Variants in LRP12 observed in about 807,000 individuals in gnomAD.
LRP12 encodes LDL receptor related protein 12.
A neutral mutation model predicts 66.0 loss-of-function variants in LRP12; 14 were observed. That is an observed-to-expected ratio of 0.21 (90% CI 0.14 to 0.33). LRP12 has a LOEUF of 0.33. LRP12 is among the 10% of genes least tolerant of loss of function. LRP12 has a pLI of 1.00. For synonymous variants in LRP12, 357 were observed against 359.1 expected, an observed-to-expected ratio of 0.99 and a Z score of 0.07; for missense variants, 889 against 1,053.4, an observed-to-expected ratio of 0.84 and a Z score of 2.16.
At chr8:104,506,692 A>G (rs988377100) in intron 3 of LRP12, 32 of 152,264 alleles carry the variant, frequency 2.1e-4, no homozygotes, top group African/African-American at 7.7e-4. Context: ...GCCCGTCCCT[A>G]GTCCTTGGCT....
intron 1 of LRP12, among the ~76,000 whole-genome samples, chr8:104,536,399 T>C (rs1272751852): frequency 6.6e-6 from 1 of 152,030 alleles, no homozygotes. Flanking sequence ...TTGTTTTATC[T>C]GTGTAATGCC....
intron 1 of LRP12, among the ~76,000 whole-genome samples, chr8:104,549,454 G>C (rs968872447): frequency 6.9e-6 from 1 of 145,112 alleles, no homozygotes; most frequent in African/African-American, 2.6e-5. Context: ...CCAGGCTGGA[G>C]TGTAGTGGTA....
chr8:104,548,230 T>A (rs866965288), intron 1 of LRP12, among the ~76,000 whole-genome samples: 8 of 99,738 alleles, frequency 8.0e-5, no homozygotes, highest in African/African-American at 3.5e-4. Flanking sequence ...TATGATATAT[T>A]TATATTAATA....
intron 1 of LRP12, among the ~76,000 whole-genome samples, chr8:104,536,730 G>C (rs1811397273): frequency 6.6e-6 from 1 of 151,930 alleles, no homozygotes; most frequent in African/African-American, 2.4e-5. Context: ...ATATTAGACA[G>C]TGCGATTAGA....
chr8:104,548,288 CATATATTTATAT>C (rs1564142042), intron 1 of LRP12, among the ~76,000 whole-genome samples: 61 of 63,638 alleles, frequency 9.6e-4, no homozygotes, highest in African/African-American at 5.8e-3. Flanking sequence ...ATTAATATAT[CATATATTTATAT>C]AATATATATT....
intron 6 of LRP12, among the ~76,000 whole-genome samples, chr8:104,492,701 A>G (rs1052110983): frequency 2.6e-5 from 4 of 152,158 alleles, no homozygotes; most frequent in African/African-American, 9.7e-5. Flanking sequence ...ATAATTTATG[A>G]TAAGAAGCTA....
intron 6 of LRP12, among the ~76,000 whole-genome samples, chr8:104,492,593 A>C (rs1349479418): frequency 1.3e-5 from 2 of 152,192 alleles, no homozygotes; most frequent in African/African-American, 4.8e-5. Context: ...AAGAAGGTAG[A>C]AAATAAGGAA....
At chr8:104,542,028 G>T (rs1051929485) in intron 1 of LRP12, among the ~76,000 whole-genome samples, 1 of 152,138 alleles carries the variant, frequency 6.6e-6, no homozygotes, top group Non-Finnish European at 1.5e-5. Context: ...AGTGGAACTG[G>T]TGGGTCATAT....
chr8:104,497,853 G>A lies in LRP12; in HGVS notation c.699C>T (p.Leu233=), dbSNP rs1174010773. 1.2e-6 allele frequency: 2 copies of A among 1,614,190 alleles called. No homozygotes were observed. The highest frequency in any genetic ancestry group is 1.7e-5 in the Admixed American group (1 of 60,018). Residue 233 remains leucine, a synonymous_variant, in exon 5 of 7, where the codon CTC becomes CTT. Coordinates refer to ENST00000276654, the MANE Select transcript of LRP12 (RefSeq NM_013437.5). This position sits in a 1 kb window ranked among gnomAD's most constrained non-coding sequence, Gnocchi z 4.3. ...TCCCATCACATTTTAAAGATTCGGG[G>A]AGGCAAGTGTAAACTTTGGTAAAAC... ...LSRFTKVYTC[L]PESLKCDGNI...
chr8:104,550,759 G>C (rs1005747895), intron 1 of LRP12, among the ~76,000 whole-genome samples: 1 of 152,142 alleles, frequency 6.6e-6, no homozygotes, highest in African/African-American at 2.4e-5. Context: ...CAAAGGGGCA[G>C]AACACAGAAT....
At chr8:104,566,430 C>A in intron 1 of LRP12, 1 of 237,722 alleles carries the variant, frequency 4.2e-6, no homozygotes, top group South Asian at 7.5e-5. Context: ...ATGGCCAATA[C>A]AATTACTAAA....
intron 5 of LRP12, chr8:104,495,841 G>C (rs1810714706): frequency 6.6e-6 from 1 of 151,798 alleles, no homozygotes; most frequent in African/African-American, 2.4e-5. Flanking sequence ...AGAATCGCTT[G>C]AACCTGGGAG....
At position 104,588,970 on chromosome 8, in the gene LRP12, A is replaced by ACGCCGACGCCGCCGC. The variant is rs1554712979; in HGVS notation, c.-74_-73insGCGGCGGCGTCGGCG. 336 of 601,190 alleles carry ACGCCGACGCCGCCGC rather than the reference A, an allele frequency of 5.6e-4. 1 individual carries two copies. The highest frequency in any genetic ancestry group is 2.1e-3 in the African/African-American group (87 of 40,598). The allele number at this position is 601,190 out of a possible 1,614,324, so 37.2% of individuals were successfully genotyped here. A position where few individuals can be genotyped will look rare whatever the true frequency, so the allele number is the denominator to read the frequency against. ...GAGAAGCTGGAGGTAGACGACGCCG[A>ACGCCGACGCCGCCGC]CGCCGCCGCCGCCGCCGCCGCCGCC... is the stretch of plus-strand genomic sequence containing the variant. On this transcript the variant is annotated 5_prime_UTR_variant, in exon 1 of 7. Coordinates refer to ENST00000276654, the MANE Select transcript of LRP12 (RefSeq NM_013437.5).
At chr8:104,559,136 G>A (rs562965481) in intron 1 of LRP12, among the ~76,000 whole-genome samples, 1 of 152,174 alleles carries the variant, frequency 6.6e-6, no homozygotes, top group South Asian at 2.1e-4. Context: ...GAAGTCATAT[G>A]AAAAAGATAC....
At chr8:104,504,075 C>T (rs1032436632) in intron 3 of LRP12, among the ~76,000 whole-genome samples, 1 of 152,082 alleles carries the variant, frequency 6.6e-6, no homozygotes, top group Non-Finnish European at 1.5e-5. Context: ...CTGATTTCAT[C>T]CGTTTTCTAA....
chr8:104,554,306 T>C (rs1811771726), intron 1 of LRP12, among the ~76,000 whole-genome samples: 4 of 152,150 alleles, frequency 2.6e-5, no homozygotes, highest in Non-Finnish European at 4.4e-5. Flanking sequence ...AGAATTCAGA[T>C]GGTCGATTAT....
chr8:104,515,167 T>C (rs1588488623), intron 2 of LRP12, among the ~76,000 whole-genome samples: 1 of 152,240 alleles, frequency 6.6e-6, no homozygotes, highest in East Asian at 1.9e-4. Context: ...TTGAACTTCA[T>C]CTTTCTATAT....
chr8:104,571,083 A>C (rs1328136852), intron 1 of LRP12, among the ~76,000 whole-genome samples: 2 of 152,244 alleles, frequency 1.3e-5, no homozygotes, highest in African/African-American at 4.8e-5. Context: ...ACAAAGATGC[A>C]GAGCAACTGA....
intron 1 of LRP12, among the ~76,000 whole-genome samples, chr8:104,557,368 AC>A (rs963010252): frequency 2.6e-5 from 4 of 152,128 alleles, no homozygotes; most frequent in African/African-American, 9.7e-5. Context: ...ATAATCCCAT[AC>A]CCAGAAAACC....
Sources: gnomAD v4.1 joint callset for allele counts (sites outside exome capture counted in the v4.1 genomes callset) on GRCh38, gnomAD v4.1.1 for gene constraint, Gnocchi (gnomAD v3.1) non-coding constraint, MANE v1.5 for transcripts, NCBI Gene and HGNC (gene_info 2026-07-23, HGNC 2026-07-21) for gene names.